BRK1: variants seen among roughly 807,000 people sequenced by gnomAD.
The protein encoded by BRK1 is protein BRICK1.
In BRK1, 6 loss-of-function variants were observed where a neutral mutation model predicts 9.9. The ratio of observed to expected loss-of-function variants is 0.60; its 90% confidence interval spans 0.33 to 1.19. The LOEUF is 1.19. Among genes scored for constraint, BRK1 ranks in the 50% most tolerant of loss-of-function variants. The pLI is 0.04. For missense variants in BRK1, 62 were observed against 97.5 expected (o/e 0.64, Z 1.53); for synonymous variants, 44 against 31.9 (o/e 1.38, Z -1.28).
At chr3:10,125,591 G>A (rs776290004) in intron 1 of BRK1, 35 bp from the exon 2 acceptor site, 2 of 1,346,848 alleles carry the variant, frequency 1.5e-6, no homozygotes, top group South Asian at 1.2e-5. Flanking sequence ...TGTTTGGAGT[G>A]ACATTAATCC....
intron 1 of BRK1, 114 bp from the exon 2 acceptor site, chr3:10,125,512 T>A (rs1695827043): frequency 1.7e-5 from 11 of 656,192 alleles, no homozygotes. Flanking sequence ...TAGCACTGTA[T>A]CCATTTCCAT....
rs9811908 is a variant in BRK1 at position 10,119,721 on chromosome 3, G to T, written c.118+3902G>T. Among the ~76,000 whole-genome samples the T allele has an allele frequency of 0.026, 3,917 of 152,200 alleles. 177 individuals are homozygous for T. The highest frequency in any genetic ancestry group is 0.089 in the African/African-American group (3,714 of 41,512). Reference sequence around the variant, plus strand: ...AATATCATAACACTAGGCCTATTTTGCACTTTGGAATTGGTGAAGTTTCTA... The same window carrying T: ...AATATCATAACACTAGGCCTATTTTTCACTTTGGAATTGGTGAAGTTTCTA... On this transcript the variant is annotated intron_variant, in intron 1 of 2. Coordinates refer to ENST00000530758, the MANE Select transcript of BRK1 (RefSeq NM_018462.5).
intron 1 of BRK1, among the ~76,000 whole-genome samples, chr3:10,124,148 T>G (rs896366287): frequency 2.0e-5 from 3 of 152,058 alleles, no homozygotes; most frequent in Admixed American, 6.6e-5. Flanking sequence ...CATTTGCTAT[T>G]CCTGGCATAA....
chr3:10,116,005 G>GACAGGCTCCCGTAGACA, intron 1 of BRK1, among the ~76,000 whole-genome samples, 186 bp downstream of exon 1: 1 of 152,108 alleles, frequency 6.6e-6, no homozygotes, highest in Admixed American at 6.6e-5. Context: ...AGTCTCTGTA[G>GACAGGCTCCCGTAGACA]GGTTATCCTG....
At chr3:10,119,448 ACT>A (rs1695729811) in intron 1 of BRK1, among the ~76,000 whole-genome samples, 1 of 152,054 alleles carries the variant, frequency 6.6e-6, no homozygotes. Flanking sequence ...ACAGAGTGAG[ACT>A]CTCTCTCAAA....
chr3:10,116,131 C>A (rs957410819), intron 1 of BRK1, among the ~76,000 whole-genome samples: 2 of 152,188 alleles, frequency 1.3e-5, no homozygotes, highest in African/African-American at 4.8e-5. Context: ...TAAGTGGTCT[C>A]CCTGCCTCCT....
chr3:10,121,678 A>G (rs1315806629), intron 1 of BRK1, among the ~76,000 whole-genome samples: 1 of 152,328 alleles, frequency 6.6e-6, no homozygotes, highest in East Asian at 1.9e-4. Context: ...ACAAGTACAT[A>G]AATATCATTT....
intron 1 of BRK1, among the ~76,000 whole-genome samples, chr3:10,123,805 A>G (rs1575908243): frequency 8.5e-6 from 1 of 117,712 alleles, no homozygotes; most frequent in Admixed American, 1.2e-4. Context: ...GTGCAATCCC[A>G]GCTCACTGCA....
intron 2 of BRK1, 44 bp from the exon 3 acceptor site, chr3:10,126,225 C>A (rs759394013): frequency 1.4e-6 from 2 of 1,442,398 alleles, no homozygotes; most frequent in Non-Finnish European, 1.8e-6. Context: ...CCCCTCTAAT[C>A]TTTTTTAATT....
chr3:10,116,453 C>G (rs1695685937), intron 1 of BRK1, among the ~76,000 whole-genome samples: 1 of 152,132 alleles, frequency 6.6e-6, no homozygotes, highest in Admixed American at 6.6e-5. Flanking sequence ...CTGTCTGCTT[C>G]TAGCCCATTC....
At chr3:10,121,726 A>G (rs1220285517) in intron 1 of BRK1, among the ~76,000 whole-genome samples, 1 of 146,360 alleles carries the variant, frequency 6.8e-6, no homozygotes, top group Admixed American at 6.7e-5. Flanking sequence ...TTCATTAAAT[A>G]TTCCTCAAAC....
chr3:10,118,770 G>A (rs1575905053), intron 1 of BRK1, among the ~76,000 whole-genome samples: 1 of 152,108 alleles, frequency 6.6e-6, no homozygotes, highest in Non-Finnish European at 1.5e-5. Context: ...TTACAGGCAT[G>A]AGCCACTGTG....
intron 1 of BRK1, among the ~76,000 whole-genome samples, chr3:10,124,996 T>A (rs1695817078): frequency 6.6e-6 from 1 of 152,220 alleles, no homozygotes; most frequent in Admixed American, 6.5e-5. Context: ...TGGGCCCAAA[T>A]GGACAATCCA....
chr3:10,124,110 G>A (rs114110844), intron 1 of BRK1, among the ~76,000 whole-genome samples: 6,082 of 151,992 alleles, frequency 0.04, 121 homozygotes, highest in South Asian at 0.063. Context: ...TAGGCCATTA[G>A]TAAATGGCTG....
At chr3:10,125,591 G>T in intron 1 of BRK1, 35 bp from the exon 2 acceptor site, 1 of 1,346,848 alleles carries the variant, frequency 7.4e-7, no homozygotes. Context: ...TGTTTGGAGT[G>T]ACATTAATCC....
At chr3:10,116,623 C>G (rs534237455) in intron 1 of BRK1, among the ~76,000 whole-genome samples, 176 of 152,234 alleles carry the variant, frequency 1.2e-3, no homozygotes, top group Non-Finnish European at 1.9e-3. Context: ...TTTAACAGAA[C>G]TTGGCACTGG....
chr3:10,115,690 C>G lies in BRK1; in HGVS notation c.-12C>G, dbSNP rs1272282473. The G allele has an allele frequency of 6.2e-7, 1 of 1,609,734 alleles. No homozygotes were observed. Among genetic ancestry groups the G allele is most frequent in the Non-Finnish European group, 8.5e-7 (1 of 1,176,204 alleles). ...GGGCGCCTGCGCAGTCGCTCTTCCTCAGGCGGCGGCCATGGCGGGACAGGA... is the reference window on the plus strand; with the variant it reads ...GGGCGCCTGCGCAGTCGCTCTTCCTGAGGCGGCGGCCATGGCGGGACAGGA... On this transcript the variant is annotated 5_prime_UTR_variant, in exon 1 of 3. Transcript: ENST00000530758.
In BRK1 at chr3:10,119,535, C is replaced by T. The variant is rs184087502; in HGVS notation, c.118+3716C>T. 2.0e-5 allele frequency among the ~76,000 whole-genome samples: 3 copies of T among 152,152 alleles called. No homozygotes were observed. In the East Asian group the frequency reaches 5.8e-4, roughly 29 times the overall value. ...GCAATTCTGTAGTCCTTACCCTGACCACAGAGAATCTGCATGGGCCATGTA... is the reference window on the plus strand; with the variant it reads ...GCAATTCTGTAGTCCTTACCCTGACTACAGAGAATCTGCATGGGCCATGTA... On this transcript the variant is annotated intron_variant, in intron 1 of 2. Transcript: ENST00000530758.
intron 1 of BRK1, among the ~76,000 whole-genome samples, chr3:10,116,028 C>T (rs1158231574): frequency 2.6e-5 from 4 of 152,170 alleles, no homozygotes; most frequent in Admixed American, 2.0e-4. Flanking sequence ...CTACGCTGAG[C>T]TCATGGCTTC....
Sources: allele counts gnomAD v4.1 joint callset (sites outside exome capture counted in the v4.1 genomes callset), GRCh38; gene constraint gnomAD v4.1.1; transcripts MANE v1.5; gene names NCBI Gene and HGNC (gene_info 2026-07-23, HGNC 2026-07-21).